The following GNG7 variants were observed in gnomAD, a reference collection of about 807,000 sequenced individuals.
The protein encoded by GNG7 is G protein subunit gamma 7, also known as guanine nucleotide-binding protein G(I)/G(S)/G(O) subunit gamma-7.
Under a neutral mutation model 4.0 loss-of-function variants are expected in GNG7, and 1 was observed. The ratio of observed to expected loss-of-function variants is 0.25; its 90% CI spans 0.09 to 1.18. GNG7 has a LOEUF of 1.18. GNG7 is among the 50% of genes most tolerant of loss of function. The pLI is 0.50. For missense variants in GNG7, 86 were observed against 91.9 expected (o/e 0.94, Z 0.26); for synonymous variants, 34 against 36.9 (o/e 0.92, Z 0.29).
intron 3 of GNG7, among the ~76,000 whole-genome samples, chr19:2,543,296 C>T (rs1345295932): frequency 6.6e-6 from 1 of 151,356 alleles, no homozygotes; most frequent in Non-Finnish European, 1.5e-5. Flanking sequence ...TCACAGCTCA[C>T]TGCAGCCTTG....
chr19:2,674,998 C>T (rs1204512523), intron 1 of GNG7, among the ~76,000 whole-genome samples: 1 of 152,176 alleles, frequency 6.6e-6, no homozygotes, highest in African/African-American at 2.4e-5. Context: ...ACTGTCATAA[C>T]GCCTCCCCCT....
intron 3 of GNG7, among the ~76,000 whole-genome samples, chr19:2,553,810 T>TATTAC (rs1246524559): frequency 3.1e-5 from 4 of 127,876 alleles, no homozygotes; most frequent in African/African-American, 5.6e-5. Context: ...ATGTGTAATA[T>TATTAC]ATCACATACA....
intron 2 of GNG7, among the ~76,000 whole-genome samples, chr19:2,592,250 C>G (rs954185665): frequency 3.3e-5 from 5 of 152,116 alleles, no homozygotes; most frequent in Admixed American, 2.6e-4. Flanking sequence ...AAGAATGAAG[C>G]TCACTGATCA....
At chr19:2,599,112 G>A (rs1981122888) in intron 2 of GNG7, among the ~76,000 whole-genome samples, 1 of 152,168 alleles carries the variant, frequency 6.6e-6, no homozygotes. Flanking sequence ...GCTTGTGGGA[G>A]GGACGCCTGG....
chr19:2,633,674 A>G lies in GNG7; in HGVS notation c.-78+12550T>C, dbSNP rs1982231175. 6.6e-6 allele frequency among the ~76,000 whole-genome samples: 1 copy of G among 151,994 alleles called. No individual in the cohort carries two copies. Among genetic ancestry groups the G allele is most frequent in the East Asian group, 1.9e-4 (1 of 5,134 alleles). ...TCTGAAACGGGGATTCATTGAGAGG[A>G]CATCGGTGGGCTTGAAAACGGGTGT... On this transcript the variant is annotated intron_variant, in intron 2 of 4. Transcript: ENST00000382159. The surrounding 1 kb of genome is among the most constrained non-coding windows in gnomAD (Gnocchi z 5.9).
At chr19:2,578,825 G>C (rs1599402482) in intron 2 of GNG7, among the ~76,000 whole-genome samples, 1 of 152,200 alleles carries the variant, frequency 6.6e-6, no homozygotes, top group East Asian at 1.9e-4. Context: ...TAGGGAAACC[G>C]ATGCTAAAGG....
chr19:2,587,154 G>T (rs1022609612), intron 2 of GNG7, among the ~76,000 whole-genome samples: 1 of 152,078 alleles, frequency 6.6e-6, no homozygotes, highest in Admixed American at 6.6e-5. Context: ...CCCCTGGGTT[G>T]GAGGTTTCAC....
intron 3 of GNG7, chr19:2,538,082 A>AAAC (rs771861042): frequency 4.4e-4 from 198 of 451,620 alleles, no homozygotes; most frequent in Non-Finnish European, 5.0e-4. Flanking sequence ...CTCTCAAACA[A>AAAC]AACAAAACAA....
chr19:2,557,191 G>C lies in GNG7; in HGVS notation c.-77-2003C>G, dbSNP rs551331297. 6.6e-6 allele frequency among the ~76,000 whole-genome samples: 1 copy of C among 151,014 alleles called. No individual in the cohort carries two copies. The highest frequency in any genetic ancestry group is 1.5e-5 in the Non-Finnish European group (1 of 67,856). ...GCACACACGTACACACAAGACACGT[G>C]CACACACATTTGCATGCACACACAG... On this transcript the variant is annotated intron_variant, in intron 2 of 4. Transcript: ENST00000382159. This position sits in a 1 kb window ranked among gnomAD's most constrained non-coding sequence, Gnocchi z 5.1.
At chr19:2,568,432 A>T (rs1280379733) in intron 2 of GNG7, among the ~76,000 whole-genome samples, 1 of 139,230 alleles carries the variant, frequency 7.2e-6, no homozygotes, top group East Asian at 2.1e-4. Flanking sequence ...ACACACATAC[A>T]TATACATACA....
intron 2 of GNG7, among the ~76,000 whole-genome samples, chr19:2,556,324 A>G (rs942361042): frequency 6.6e-6 from 1 of 152,130 alleles, no homozygotes; most frequent in Non-Finnish European, 1.5e-5. Flanking sequence ...CGAGGTCAGC[A>G]GACGCCCCTG....
intron 3 of GNG7, among the ~76,000 whole-genome samples, chr19:2,551,980 T>A (rs935742087): frequency 2.0e-5 from 3 of 152,104 alleles, no homozygotes; most frequent in Non-Finnish European, 2.9e-5. Context: ...CCACGGCGCC[T>A]GACTGCTTGT....
intron 2 of GNG7, among the ~76,000 whole-genome samples, chr19:2,571,543 G>C (rs1451806062): frequency 6.7e-6 from 1 of 148,196 alleles, no homozygotes; most frequent in Non-Finnish European, 1.5e-5. Flanking sequence ...TACGTTAAGT[G>C]AAAGAGTTAT....
At chr19:2,682,655 CAAAAA>C (rs745799326) in intron 1 of GNG7, among the ~76,000 whole-genome samples, 4 of 64,340 alleles carry the variant, frequency 6.2e-5, no homozygotes, top group Non-Finnish European at 9.5e-5. Flanking sequence ...GACTCCATCT[CAAAAA>C]AAAAAAAAAA....
intron 2 of GNG7, among the ~76,000 whole-genome samples, chr19:2,576,518 C>T (rs1387840326): frequency 6.6e-6 from 1 of 152,140 alleles, no homozygotes; most frequent in Non-Finnish European, 1.5e-5. Flanking sequence ...GGGAACTAAA[C>T]TTGGTCTTTT....
At chr19:2,565,995 TA>T (rs1227277648) in intron 2 of GNG7, among the ~76,000 whole-genome samples, 2 of 151,850 alleles carry the variant, frequency 1.3e-5, no homozygotes, top group Admixed American at 6.6e-5. Context: ...CCGTCTCTAC[TA>T]AAAATACAAA....
chr19:2,661,029 T>C (rs1298439289), intron 1 of GNG7, among the ~76,000 whole-genome samples: 1 of 151,068 alleles, frequency 6.6e-6, no homozygotes, highest in African/African-American at 2.4e-5. Flanking sequence ...CTGACCAACA[T>C]GGAGAAACCC....
Position 2,568,174 on chromosome 19 carries a change from CAT to C in GNG7, c.-77-12988_-77-12987del, listed in dbSNP as rs544370342. Among the ~76,000 whole-genome samples, 23 of 151,292 alleles carry C rather than the reference CAT, an allele frequency of 1.5e-4. No homozygotes were observed. In the South Asian group the frequency reaches 2.5e-3, roughly 16 times the overall value. ...ACACACATACACATACATACACACACATACACACATGCACATACACACACATA... is the reference window on the plus strand; with the variant it reads ...ACACACATACACATACATACACACACACACACATGCACATACACACACATA... On this transcript the variant is annotated intron_variant, in intron 2 of 4. Coordinates refer to ENST00000382159, the MANE Select transcript of GNG7 (RefSeq NM_052847.3).
chr19:2,583,993 A>C (rs1213869474), intron 2 of GNG7, among the ~76,000 whole-genome samples: 2 of 152,192 alleles, frequency 1.3e-5, no homozygotes, highest in Non-Finnish European at 2.9e-5. Context: ...ATTTTTTAAC[A>C]GTACATGTTT....
Sources: gnomAD v4.1 joint callset for allele counts (sites outside exome capture counted in the v4.1 genomes callset) on GRCh38, gnomAD v4.1.1 for gene constraint, Gnocchi (gnomAD v3.1) non-coding constraint, MANE v1.5 for transcripts, NCBI Gene and HGNC (gene_info 2026-07-23, HGNC 2026-07-21) for gene names.